NRG4: variants seen among roughly 807,000 people sequenced by gnomAD.
The protein encoded by NRG4 is pro-neuregulin-4, membrane-bound isoform.
A neutral mutation model predicts 15.0 loss-of-function variants in NRG4; 10 were observed. The ratio of observed to expected loss-of-function variants is 0.67; its 90% CI spans 0.41 to 1.13. The LOEUF is 1.13. Among genes scored for constraint, NRG4 ranks in the 50% most tolerant of loss-of-function variants. The pLI is 0.00. For missense variants in NRG4, 139 were observed against 140.2 expected (o/e 0.99, Z 0.04); for synonymous variants, 41 against 50.1 (o/e 0.82, Z 0.77).
intron 5 of NRG4, among the ~76,000 whole-genome samples, chr15:75,949,834 A>G (rs941978855): frequency 1.3e-5 from 2 of 152,180 alleles, no homozygotes. Flanking sequence ...TGGAATGACT[A>G]TCCTTTCTGT....
chr15:76,035,609 C>T (rs918979606), intron 5 of NRG4, among the ~76,000 whole-genome samples: 4 of 151,974 alleles, frequency 2.6e-5, no homozygotes, highest in Admixed American at 2.6e-4. Context: ...TATAGAAATA[C>T]ATTTTAGGTA....
chr15:75,936,904 A>C (rs922866536), downstream of NRG4: 2 of 152,170 alleles, frequency 1.3e-5, no homozygotes, highest in African/African-American at 4.8e-5. Context: ...CAGATTTATA[A>C]AAGTTTTTGC....
Position 76,051,297 on chromosome 15 carries a change from G to A in NRG4, c.-105+770C>T, listed in dbSNP as rs771557265. Among the ~76,000 whole-genome samples, 93 of 150,206 alleles carry A rather than the reference G, an allele frequency of 6.2e-4. 6 individuals are homozygous for A. The highest frequency in any genetic ancestry group is 6.5e-4 in the Non-Finnish European group (44 of 67,776). ...TGGGATTACAGGCGTGAGCCACCGC[G>A]CCCGGCCTATTTATTTATTTTTTTA... On this transcript the variant is annotated intron_variant, in intron 4 of 8. Transcript: ENST00000563910.
chr15:75,942,787 T>G lies in NRG4; in HGVS notation c.*851A>C, dbSNP rs1229790089. On this transcript the variant is annotated 3_prime_UTR_variant, in exon 6 of 6. Coordinates refer to ENST00000394907, the MANE Select transcript of NRG4 (RefSeq NM_138573.4). ...CCTTTCCACTGCTCCAAGACTTTAT[T>G]TTCATACTTCCTTAAAGTTACTATT... 6.9e-6 allele frequency: 1 copy of G among 145,982 alleles called. No homozygotes were observed. Among genetic ancestry groups the G allele is most frequent in the Non-Finnish European group, 1.5e-5 (1 of 67,990 alleles). The allele number at this position is 145,982 out of a possible 1,614,324, so 9.0% of individuals were successfully genotyped here. A position where few individuals can be genotyped will look rare whatever the true frequency, so the allele number is the denominator to read the frequency against.
intron 3 of NRG4, among the ~76,000 whole-genome samples, chr15:75,985,716 T>A (rs764546180): frequency 6.6e-6 from 1 of 152,156 alleles, no homozygotes; most frequent in Non-Finnish European, 1.5e-5. Context: ...CTCTGTCAAC[T>A]CTATTCTCCA....
Position 76,029,334 on chromosome 15 carries a change from C to T in NRG4, c.-57+6610G>A, listed in dbSNP as rs2035407572. ...ATAAAGGCCATATATAATAAACCCA[C>T]AGCTAACATCATACCAGATGGACTG... On this transcript the variant is annotated intron_variant, in intron 5 of 8. Transcript: ENST00000563910. Among the ~76,000 whole-genome samples, 3 of 152,138 alleles carry T rather than the reference C, an allele frequency of 2.0e-5. No homozygotes were observed. In the South Asian group the frequency reaches 6.2e-4, roughly 31 times the overall value.
intron 3 of NRG4, among the ~76,000 whole-genome samples, chr15:75,985,598 GAA>G (rs948519032): frequency 6.6e-5 from 10 of 152,140 alleles, no homozygotes; most frequent in African/African-American, 2.4e-4. Context: ...TATCATTTAG[GAA>G]AAGTTTCATT....
intron 3 of NRG4, among the ~76,000 whole-genome samples, chr15:75,998,627 G>A (rs2034296733): frequency 6.6e-6 from 1 of 152,218 alleles, no homozygotes; most frequent in Admixed American, 6.5e-5. Context: ...TTTTATCTGA[G>A]TGAGACAGAG....
At position 76,011,736 on chromosome 15, in the gene NRG4, T is replaced by C. The variant is rs1447557705; in HGVS notation, c.-56-450A>G. 2.0e-5 allele frequency among the ~76,000 whole-genome samples: 3 copies of C among 152,290 alleles called. No individual in the cohort carries two copies. The East Asian group carries it at 5.8e-4, about 29-fold the overall frequency. ...TACATTTACCAACCTATGCAAACCT[T>C]TCTTCTAAAAAATGTCCAGGGCTGA... On this transcript the variant is annotated intron_variant, in intron 1 of 5. Transcript: ENST00000394907.
At chr15:76,047,881 C>A (rs530909782) in intron 4 of NRG4, among the ~76,000 whole-genome samples, 1 of 151,074 alleles carries the variant, frequency 6.6e-6, no homozygotes, top group Non-Finnish European at 1.5e-5. Context: ...TGCAGCCAGA[C>A]GCAATGGCTT....
At chr15:75,962,782 C>T (rs1273994899) in intron 3 of NRG4, among the ~76,000 whole-genome samples, 1 of 152,154 alleles carries the variant, frequency 6.6e-6, no homozygotes, top group African/African-American at 2.4e-5. Context: ...GGCACCAGAT[C>T]AATTTCAACA....
At chr15:75,981,658 C>T (rs999057606) in intron 3 of NRG4, among the ~76,000 whole-genome samples, 1 of 152,164 alleles carries the variant, frequency 6.6e-6, no homozygotes, top group African/African-American at 2.4e-5. Flanking sequence ...CCCAAGATGA[C>T]ACCATGTAGA....
intron 3 of NRG4, among the ~76,000 whole-genome samples, chr15:75,970,896 G>C (rs1293860271): frequency 6.6e-6 from 1 of 152,232 alleles, no homozygotes; most frequent in Admixed American, 6.5e-5. Context: ...AGAAGTCAAG[G>C]ATTGCTTCCT....
At chr15:76,014,662 GGA>G (rs1390460297), upstream of NRG4, among the ~76,000 whole-genome samples, 3 of 152,140 alleles carry the variant, frequency 2.0e-5, no homozygotes, top group Admixed American at 2.0e-4. Flanking sequence ...GTAGATGGGT[GGA>G]GTTATTTCTG....
At chr15:75,945,146 G>A (rs2031411384) in intron 5 of NRG4, among the ~76,000 whole-genome samples, 1 of 152,060 alleles carries the variant, frequency 6.6e-6, no homozygotes, top group African/African-American at 2.4e-5. Flanking sequence ...CTAATGGCAG[G>A]ATTCTATTCC....
chr15:76,020,180 CG>C (rs2141926074), intron 5 of NRG4, among the ~76,000 whole-genome samples: 1 of 152,230 alleles, frequency 6.6e-6, no homozygotes, highest in Admixed American at 6.5e-5. Context: ...ATTGACCGAC[CG>C]TTCCCCTATC....
At chr15:75,987,150 A>T (rs189478539) in intron 3 of NRG4, among the ~76,000 whole-genome samples, 1 of 152,188 alleles carries the variant, frequency 6.6e-6, no homozygotes, top group Non-Finnish European at 1.5e-5. Flanking sequence ...GTCCCCAGGA[A>T]AGAAGTATAT....
chr15:75,972,831 C>T (rs1483295175), intron 3 of NRG4, among the ~76,000 whole-genome samples: 2 of 151,930 alleles, frequency 1.3e-5, no homozygotes, highest in African/African-American at 2.4e-5. Context: ...TTCTTCTTGT[C>T]CAGGACTGTC....
intron 5 of NRG4, among the ~76,000 whole-genome samples, chr15:76,035,468 A>G (rs1043344374): frequency 2.6e-5 from 4 of 152,188 alleles, no homozygotes; most frequent in Non-Finnish European, 5.9e-5. Flanking sequence ...GCAATAGGGA[A>G]TGGGTATTAT....
Sources: allele counts gnomAD v4.1 joint callset (sites outside exome capture counted in the v4.1 genomes callset), GRCh38; gene constraint gnomAD v4.1.1; transcripts MANE v1.5; gene names NCBI Gene and HGNC (gene_info 2026-07-23, HGNC 2026-07-21).